The following RIC8B variants were observed in gnomAD, a reference collection of about 807,000 sequenced individuals.
RIC8B encodes RIC8 guanine nucleotide exchange factor B.
In RIC8B, 16 loss-of-function variants were observed where a neutral mutation model predicts 57.5. The observed-to-expected ratio is 0.28, with a 90% CI of 0.19 to 0.42. The LOEUF is 0.42. Among genes scored for constraint, RIC8B ranks in the 10% least tolerant of loss-of-function variants. The probability of loss-of-function intolerance (pLI) is 1.00; values close to 1 mark genes in which losing one functional copy is unlikely to be tolerated. For missense variants in RIC8B, 481 were observed against 677.0 expected (o/e 0.71, Z 3.21); for synonymous variants, 216 against 250.8 (o/e 0.86, Z 1.31).
At chr12:106,806,730 T>G (rs1370840419) in intron 2 of RIC8B, among the ~76,000 whole-genome samples, 1 of 152,060 alleles carries the variant, frequency 6.6e-6, no homozygotes, top group Non-Finnish European at 1.5e-5. Context: ...CTTGAGAGGC[T>G]GAGACAGGGG....
chr12:106,849,945 G>A (rs968438404), intron 6 of RIC8B, among the ~76,000 whole-genome samples: 4 of 152,154 alleles, frequency 2.6e-5, no homozygotes, highest in Admixed American at 6.5e-5. Flanking sequence ...TATAATTTAG[G>A]GCAGGGGTCC....
At chr12:106,839,173 T>G (rs1461930476) in intron 4 of RIC8B, among the ~76,000 whole-genome samples, 1 of 152,142 alleles carries the variant, frequency 6.6e-6, no homozygotes, top group Non-Finnish European at 1.5e-5. Context: ...TGGGAGTATA[T>G]CCAAAGGAAA....
At chr12:106,783,966 A>G (rs1230675610) in intron 1 of RIC8B, 31 bp from the exon 2 acceptor site, 2 of 1,605,160 alleles carry the variant, frequency 1.2e-6, no homozygotes, top group Non-Finnish European at 1.7e-6. Context: ...ATGTATTTAA[A>G]ATGACATTGT....
At position 106,888,495 on chromosome 12, in the gene RIC8B, C is replaced by G. The variant is rs1029742301; in HGVS notation, c.*2480C>G. The G allele has an allele frequency of 2.0e-5, 3 of 152,770 alleles. No homozygotes were observed. The highest frequency in any genetic ancestry group is 1.3e-4 in the Admixed American group (2 of 15,276). The allele number at this position is 152,770 out of a possible 1,614,324, so 9.5% of individuals were successfully genotyped here. Reference sequence around the variant, plus strand: ...GAGTCCAACTCTGGTGGCCTGACTCCCAGCACCACTCCTTCCTTTTCCCCA... The same window carrying G: ...GAGTCCAACTCTGGTGGCCTGACTCGCAGCACCACTCCTTCCTTTTCCCCA... On this transcript the variant is annotated 3_prime_UTR_variant, in exon 10 of 10. Transcript: ENST00000392837.
At chr12:106,798,771 A>AT (rs902965106) in intron 2 of RIC8B, among the ~76,000 whole-genome samples, 9 of 151,778 alleles carry the variant, frequency 5.9e-5, no homozygotes, top group African/African-American at 9.7e-5. Context: ...AGTCTTTATC[A>AT]TTTTTTTCCC....
At chr12:106,779,841 G>A (rs943074751) in intron 1 of RIC8B, among the ~76,000 whole-genome samples, 5 of 148,602 alleles carry the variant, frequency 3.4e-5, no homozygotes, top group African/African-American at 1.2e-4. Context: ...GACTGTTCAA[G>A]CTCTTGCTCC....
At chr12:106,806,523 T>C (rs1340141041) in intron 2 of RIC8B, among the ~76,000 whole-genome samples, 1 of 152,200 alleles carries the variant, frequency 6.6e-6, no homozygotes, top group East Asian at 1.9e-4. Context: ...CAATCTCATT[T>C]ACTTTTGTAA....
intron 7 of RIC8B, among the ~76,000 whole-genome samples, chr12:106,856,440 C>G (rs1443516626): frequency 6.6e-6 from 1 of 152,126 alleles, no homozygotes; most frequent in Non-Finnish European, 1.5e-5. Context: ...TTATTCTTGC[C>G]TGATTATACT....
intron 9 of RIC8B, among the ~76,000 whole-genome samples, chr12:106,873,500 T>A (rs925839386): frequency 6.6e-6 from 1 of 151,814 alleles, no homozygotes; most frequent in African/African-American, 2.4e-5. Context: ...CTTAAGTTTC[T>A]TCTCTCTTTC....
chr12:106,873,279 A>G (rs1194397145), intron 9 of RIC8B: 5 of 638,618 alleles, frequency 7.8e-6, no homozygotes, highest in Non-Finnish European at 9.7e-6. Context: ...AACCTTGAGA[A>G]TAGTTCAAAT....
At chr12:106,837,805 C>T (rs2046684853) in intron 4 of RIC8B, among the ~76,000 whole-genome samples, 1 of 152,046 alleles carries the variant, frequency 6.6e-6, no homozygotes, top group South Asian at 2.1e-4. Context: ...GCATGCCTGG[C>T]TAATTTTTGT....
intron 4 of RIC8B, among the ~76,000 whole-genome samples, chr12:106,833,607 AG>A (rs2046455095): frequency 6.6e-6 from 1 of 152,170 alleles, no homozygotes; most frequent in Non-Finnish European, 1.5e-5. Context: ...TCTCAAAAAA[AG>A]AAAAAAAAAA....
chr12:106,851,767 G>A (rs999830886), intron 7 of RIC8B, among the ~76,000 whole-genome samples, 173 bp downstream of exon 7: 4 of 152,088 alleles, frequency 2.6e-5, no homozygotes, highest in Admixed American at 6.6e-5. Context: ...ATTTGTATAC[G>A]CTTCTGAATT....
chr12:106,868,460 A>G, intron 8 of RIC8B: 1 of 364,786 alleles, frequency 2.7e-6, no homozygotes, highest in African/African-American at 2.1e-5. Flanking sequence ...TTCATTTATA[A>G]GACTAGTTGT....
At position 106,830,651 on chromosome 12, in the gene RIC8B, C is replaced by T. The variant is rs143181520; in HGVS notation, c.836+4831C>T. The stretch of plus-strand genomic sequence containing the variant: ...AGTCATCTAGGTGAACAGATGTTTT[C>T]TGAACTATAGCTGAACACTGGTCTT... On this transcript the variant is annotated intron_variant, in intron 4 of 9. Transcript: ENST00000392837. Among the ~76,000 whole-genome samples the T allele has an allele frequency of 2.8e-3, 419 of 152,282 alleles. 1 individual carries two copies. Among genetic ancestry groups the T allele is most frequent in the African/African-American group, 9.2e-3 (384 of 41,558 alleles).
At chr12:106,861,048 G>A (rs185473623) in intron 8 of RIC8B, among the ~76,000 whole-genome samples, 21 of 152,102 alleles carry the variant, frequency 1.4e-4, no homozygotes, top group Non-Finnish European at 2.9e-4. Flanking sequence ...TTTATCCCAA[G>A]ATAAACCACC....
chr12:106,806,497 T>C (rs578181789), intron 2 of RIC8B, among the ~76,000 whole-genome samples: 8 of 152,170 alleles, frequency 5.3e-5, no homozygotes, highest in Non-Finnish European at 1.2e-4. Context: ...CTTTTCTCTA[T>C]ATATTTTTCT....
intron 4 of RIC8B, among the ~76,000 whole-genome samples, chr12:106,828,441 A>G (rs578059186): frequency 1.3e-5 from 2 of 152,336 alleles, no homozygotes; most frequent in South Asian, 2.1e-4. Context: ...AAATTTTTTT[A>G]AAGGATTTCA....
intron 8 of RIC8B, among the ~76,000 whole-genome samples, chr12:106,869,378 C>T (rs1272607501): frequency 3.3e-5 from 5 of 152,102 alleles, no homozygotes; most frequent in Middle Eastern, 3.4e-3. Context: ...CCGAAAGTCT[C>T]AAAGACGGGT....
Sources: allele counts gnomAD v4.1 joint callset (sites outside exome capture counted in the v4.1 genomes callset), GRCh38; gene constraint gnomAD v4.1.1; transcripts MANE v1.5; gene names NCBI Gene and HGNC (gene_info 2026-07-23, HGNC 2026-07-21).